Variants in HSPG2 observed in about 807,000 individuals in gnomAD.
HSPG2 encodes heparan sulfate proteoglycan 2, also known as basement membrane-specific heparan sulfate proteoglycan core protein.
A neutral mutation model predicts 526.6 loss-of-function variants in HSPG2; 278 were observed. That is an observed-to-expected ratio of 0.53 (90% CI 0.48 to 0.58). The LOEUF (loss-of-function observed/expected upper bound fraction) is 0.58. HSPG2 is among the 20% of genes least tolerant of loss of function. The pLI, the probability that HSPG2 is intolerant of heterozygous loss-of-function variation, is 0.00. For missense variants in HSPG2, 5,354 were observed against 6,099.5 expected, an observed-to-expected ratio of 0.88 and a Z score of 4.07; for synonymous variants, 2,465 against 2,555.4, an observed-to-expected ratio of 0.96 and a Z score of 1.07.
chr1:21,854,636 C>G lies in HSPG2; in HGVS notation c.6263G>C (p.Gly2088Ala), dbSNP rs753916827. 1.9e-6 allele frequency: 3 copies of G among 1,580,294 alleles called. No homozygotes were observed. Among genetic ancestry groups the G allele is most frequent in the African/African-American group, 2.7e-5 (2 of 74,352 alleles). The part of the protein sequence containing the change: ...AHAQVTWYRR[G>A]GSLPPHTQVH... ...CTGGGTGTGGGGAGGCAGGCTACCC[C>G]CTCGCCTGTACCAGGTGACCTGGGC... is the stretch of plus-strand genomic sequence containing the variant. Residue 2088 changes from glycine to alanine, a missense_variant, in exon 49 of 97, where the codon GGG becomes GCG. Physicochemically the swap from Gly to Ala is moderately conservative, Grantham distance 60 (BLOSUM62 0). Transcript: ENST00000374695.
At chr1:21,843,786 ACAGG>A (rs1395198893) in intron 65 of HSPG2, among the ~76,000 whole-genome samples, 1 of 152,044 alleles carries the variant, frequency 6.6e-6, no homozygotes, top group Non-Finnish European at 1.5e-5. Context: ...AGCTGGGATT[ACAGG>A]CATCTGCCAC....
chr1:21,920,536 C>G (rs1644008771), intron 1 of HSPG2, among the ~76,000 whole-genome samples: 1 of 152,242 alleles, frequency 6.6e-6, no homozygotes, highest in Non-Finnish European at 1.5e-5. Context: ...GTTCCCCCCA[C>G]ATCGCCTTAT....
At chr1:21,932,354 G>A (rs1462514786) in intron 1 of HSPG2, among the ~76,000 whole-genome samples, 1 of 152,208 alleles carries the variant, frequency 6.6e-6, no homozygotes, top group Non-Finnish European at 1.5e-5. Flanking sequence ...GTGTGGATAT[G>A]TAAGTCACTG....
At chr1:21,916,182 T>C (rs1487059179) in intron 1 of HSPG2, among the ~76,000 whole-genome samples, 3 of 147,310 alleles carry the variant, frequency 2.0e-5, no homozygotes, top group Non-Finnish European at 3.0e-5. Context: ...CTGGCCAACA[T>C]AGTGAAACTC....
At chr1:21,923,038 T>C (rs12066776) in intron 1 of HSPG2, among the ~76,000 whole-genome samples, 1,868 of 101,686 alleles carry the variant, frequency 0.018, 34 homozygotes, top group African/African-American at 0.05. Context: ...GACTGCGCCC[T>C]TCATTTAACC....
rs780024090 is a variant in HSPG2, at chr1:21,855,387, T to C, written c.5914A>G (p.Thr1972Ala). Residue 1972 changes from threonine to alanine, a missense_variant, in exon 47 of 97, where the codon ACC becomes GCC. Physicochemically the swap from Thr to Ala is moderately conservative, Grantham distance 58. Coordinates refer to ENST00000374695, the MANE Select transcript of HSPG2 (RefSeq NM_005529.7). ...GCAGCCCTGCAGTACAGCCTGACGGTGCGGCCTGCGTGGACCTGGGTCCTC... is the reference window on the plus strand; with the variant it reads ...GCAGCCCTGCAGTACAGCCTGACGGCGCGGCCTGCGTGGACCTGGGTCCTC... ...PERTQVHAGR[T>A]VRLYCRAAGV... is the part of the protein sequence containing the mutation. 37 of 1,612,806 alleles carry C rather than the reference T, an allele frequency of 2.3e-5. No homozygotes were observed. The highest frequency in any genetic ancestry group is 3.1e-5 in the Non-Finnish European group (36 of 1,179,800).
intron 33 of HSPG2, among the ~76,000 whole-genome samples, chr1:21,867,199 T>C (rs6672220): frequency 0.088 from 13,293 of 150,354 alleles, 1,247 homozygotes; most frequent in African/African-American, 0.24. Flanking sequence ...CAAGCGATTG[T>C]CCTGCCTCAG....
At position 21,865,892 on chromosome 1, in the gene HSPG2, G is replaced by A; in HGVS notation, c.4222-83C>T. On this transcript the variant is annotated intron_variant, in intron 33 of 96. Coordinates refer to ENST00000374695, the MANE Select transcript of HSPG2 (RefSeq NM_005529.7). This position sits in a 1 kb window ranked among gnomAD's most constrained non-coding sequence, Gnocchi z 5.4. ...ATATAGGTGAGGGATGGAGCATCTG[G>A]CGGCCTTTTTGCACCTGTGCCACAC... 8.8e-7 allele frequency: 1 copy of A among 1,136,072 alleles called. No individual in the cohort carries two copies. Among genetic ancestry groups the A allele is most frequent in the Non-Finnish European group, 1.3e-6 (1 of 753,016 alleles). 70.4% of individuals were successfully genotyped at this position (1,136,072 alleles called of 1,614,324 possible). A position where few individuals can be genotyped will look rare whatever the true frequency, so the allele number is the denominator to read the frequency against.
At chr1:21,924,802 G>A (rs969067726) in intron 1 of HSPG2, among the ~76,000 whole-genome samples, 41 of 152,284 alleles carry the variant, frequency 2.7e-4, no homozygotes, top group African/African-American at 8.9e-4. Context: ...GACAATGTGA[G>A]TCCAGGGACA....
At chr1:21,843,779 T>G (rs1288549930) in intron 65 of HSPG2, among the ~76,000 whole-genome samples, 1 of 152,164 alleles carries the variant, frequency 6.6e-6, no homozygotes, top group Non-Finnish European at 1.5e-5. Flanking sequence ...CCTGAGTAGC[T>G]GGGATTACAG....
intron 1 of HSPG2, among the ~76,000 whole-genome samples, chr1:21,920,452 C>T (rs147793025): frequency 2.7e-4 from 41 of 152,338 alleles, no homozygotes; most frequent in African/African-American, 6.5e-4. Context: ...GCCAGGCCTC[C>T]GGGCAGAGGC....
At position 21,937,182 on chromosome 1, in the gene HSPG2, C is replaced by T; in HGVS notation, c.36G>A (p.Ala12=). Residue 12 remains alanine (A), a synonymous_variant, in exon 1 of 97, where the codon GCG becomes GCA. Transcript: ENST00000374695. ...GWRAAGALLL[A]LLLHGRLLAV... ...CCAGCAGCCGCCCGTGCAGCAGCAG[C>T]GCCAGCAGCAGCGCGCCCGCCGCCC... 1 of 1,093,588 alleles carries T rather than the reference C, an allele frequency of 9.1e-7. No individual in the cohort carries two copies. Among genetic ancestry groups the T allele is most frequent in the Non-Finnish European group, 1.1e-6 (1 of 887,522 alleles). The allele number at this position is 1,093,588 out of a possible 1,614,324, so 67.7% of individuals were successfully genotyped here. A position where few individuals can be genotyped will look rare whatever the true frequency, so the allele number is the denominator to read the frequency against.
At position 21,854,862 on chromosome 1, in the gene HSPG2, A is replaced by G. The variant is rs538015199; in HGVS notation, c.6119T>C (p.Val2040Ala). The G allele has an allele frequency of 1.2e-6, 2 of 1,613,918 alleles. No individual in the cohort carries two copies. The highest frequency in any genetic ancestry group is 3.3e-5 in the Admixed American group (2 of 59,982). Reference protein sequence around the residue: ...PAGTAQARIQVVVLSASDASP... With the variant: ...PAGTAQARIQAVVLSASDASP... Reference sequence around the variant, plus strand: ...AGAGTCCGTACCTGAAAGGACAACCACTTGGATCCGGGCCTGGGCAGTGCC... The same window carrying G: ...AGAGTCCGTACCTGAAAGGACAACCGCTTGGATCCGGGCCTGGGCAGTGCC... The change falls in exon 48 of 97, where the codon GTG becomes GCG. Residue 2040 changes from valine to alanine, a missense_variant. Transcript: ENST00000374695.
chr1:21,935,380 G>A (rs543638630), intron 1 of HSPG2, among the ~76,000 whole-genome samples: 2 of 152,302 alleles, frequency 1.3e-5, no homozygotes, highest in South Asian at 4.1e-4. Flanking sequence ...CCACCAGCCT[G>A]TGAGTGCTGG....
chr1:21,852,944 C>T lies in HSPG2; in HGVS notation c.6566G>A (p.Gly2189Glu). The T allele has an allele frequency of 1.9e-6, 3 of 1,613,368 alleles. No individual in the cohort carries two copies. Among genetic ancestry groups the T allele is most frequent in the Non-Finnish European group, 8.5e-7 (1 of 1,179,876 alleles). ...CTGGTGCCGGGCAGGGAGGCTGCCCCCACGCTTGTGCCACGTGACCTGGGC... is the reference window on the plus strand; with the variant it reads ...CTGGTGCCGGGCAGGGAGGCTGCCCTCACGCTTGTGCCACGTGACCTGGGC... ...AHAQVTWHKR[G>E]GSLPARHQTH... is the part of the protein sequence containing the mutation. The change falls in exon 51 of 97, where the codon GGG becomes GAG. Residue 2189 changes from glycine to glutamate, a missense_variant. By Grantham distance (98) the Gly-to-Glu change is moderately conservative (BLOSUM62 -2). Coordinates refer to ENST00000374695, the MANE Select transcript of HSPG2 (RefSeq NM_005529.7).
chr1:21,888,213 C>A, intron 6 of HSPG2, 147 bp from the exon 7 acceptor site: 1 of 1,001,824 alleles, frequency 1.0e-6, no homozygotes. Context: ...AAGCAGCACA[C>A]ACTAGACACA....
intron 65 of HSPG2, 111 bp downstream of exon 65, chr1:21,844,037 T>G: frequency 1.4e-6 from 2 of 1,430,934 alleles, no homozygotes; most frequent in South Asian, 2.4e-5. Context: ...GACCTCCTGC[T>G]GCCATTTCCC....
In HSPG2 at chr1:21,854,335, G is replaced by A; in HGVS notation, c.6297C>T (p.Gly2099=). Residue 2099 remains glycine, a synonymous_variant, in exon 50 of 97, where the codon GGC becomes GGT. Coordinates refer to ENST00000374695, the MANE Select transcript of HSPG2 (RefSeq NM_005529.7). Reference sequence around the variant, plus strand: ...AGACCTGGGGGAGCCGCAGACGGGAGCCGTGCACCTGGGCCAGGAGGAGCC... The same window carrying A: ...AGACCTGGGGGAGCCGCAGACGGGAACCGTGCACCTGGGCCAGGAGGAGCC... The part of the protein sequence containing the change: ...GSLPPHTQVH[G]SRLRLPQVSP... The A allele has an allele frequency of 6.4e-7, 1 of 1,569,094 alleles. No homozygotes were observed. Among genetic ancestry groups the A allele is most frequent in the Non-Finnish European group, 8.6e-7 (1 of 1,156,614 alleles).
At chr1:21,931,126 G>A (rs1247280599) in intron 1 of HSPG2, among the ~76,000 whole-genome samples, 2 of 152,144 alleles carry the variant, frequency 1.3e-5, no homozygotes, top group Non-Finnish European at 2.9e-5. Flanking sequence ...AGACTCAAAG[G>A]CCTCACATTC....
Sources: allele counts gnomAD v4.1 joint callset (sites outside exome capture counted in the v4.1 genomes callset), GRCh38; gene constraint gnomAD v4.1.1; non-coding constraint Gnocchi (gnomAD v3.1); transcripts MANE v1.5; gene names NCBI Gene and HGNC (gene_info 2026-07-23, HGNC 2026-07-21).